Variants in ELP4 observed in about 807,000 individuals in gnomAD.
The protein encoded by ELP4 is elongator complex protein 4.
ELP4 carries 51 observed loss-of-function variants against 48.9 expected under a neutral mutation model. The observed-to-expected ratio is 1.04, with a 90% CI of 0.83 to 1.32. The LOEUF is 1.32. Ranked by LOEUF, ELP4 falls within the 40% of genes most tolerant of loss-of-function variation. The pLI, the probability that ELP4 is intolerant of heterozygous loss-of-function variation, is 0.00. For synonymous variants in ELP4, 210 were observed against 189.2 expected (o/e 1.11, Z -0.90); for missense variants, 519 against 514.6 (o/e 1.01, Z -0.08).
intron 9 of ELP4, among the ~76,000 whole-genome samples, chr11:31,693,830 C>G (rs1946336551): frequency 6.6e-6 from 1 of 152,118 alleles, no homozygotes; most frequent in Admixed American, 6.5e-5. Flanking sequence ...ACTGTTGTTT[C>G]CTGACTTTTT....
chr11:31,777,288 G>A (rs962437488), intron 9 of ELP4, among the ~76,000 whole-genome samples: 1 of 152,046 alleles, frequency 6.6e-6, no homozygotes, highest in Non-Finnish European at 1.5e-5. Flanking sequence ...TTGTGACCCT[G>A]AAAGGAAATC....
At chr11:31,738,902 G>A (rs1012608287) in intron 9 of ELP4, among the ~76,000 whole-genome samples, 3 of 152,152 alleles carry the variant, frequency 2.0e-5, no homozygotes, top group Admixed American at 1.3e-4. Context: ...TAAAATAGTG[G>A]TAGCCAGAGA....
At chr11:31,653,252 A>T (rs1945360426) in intron 9 of ELP4, 1 of 151,780 alleles carries the variant, frequency 6.6e-6, no homozygotes, top group Non-Finnish European at 1.5e-5. Flanking sequence ...TGCATTCTGG[A>T]TAAGTAAAAG....
chr11:31,697,826 A>T (rs925797197), intron 9 of ELP4, among the ~76,000 whole-genome samples: 19 of 152,148 alleles, frequency 1.2e-4, no homozygotes, highest in Non-Finnish European at 1.9e-4. Context: ...AAAGCAGCTG[A>T]TGAGATGAAT....
At position 31,519,943 on chromosome 11, in the gene ELP4, A is replaced by T. The variant is rs991809616; in HGVS notation, c.224-113A>T. 9 of 895,880 alleles carry T rather than the reference A, an allele frequency of 1.0e-5. No homozygotes were observed. The African/African-American group carries it at 1.5e-4, about 15-fold the overall frequency. The allele number at this position is 895,880 out of a possible 1,614,324, so 55.5% of individuals were successfully genotyped here. A position where few individuals can be genotyped will look rare whatever the true frequency, so the allele number is the denominator to read the frequency against. On this transcript the variant is annotated intron_variant, in intron 1 of 9. Coordinates refer to ENST00000640961, the MANE Select transcript of ELP4 (RefSeq NM_019040.5). ...TGCAAAGGTAATTAAAATGTTGTTCACAACTACTGTTTTAAAGTTATTGAA... is the reference window on the plus strand; with the variant it reads ...TGCAAAGGTAATTAAAATGTTGTTCTCAACTACTGTTTTAAAGTTATTGAA...
rs776623750 is a variant in ELP4, at chr11:31,632,350, T to G, written c.872T>G (p.Leu291Arg). Residue 291 changes from leucine to arginine, a missense_variant, in exon 7 of 10, where the codon CTT (leucine) becomes CGT (arginine). Physicochemically the swap from Leu to Arg is moderately radical, Grantham distance 102. Coordinates refer to ENST00000640961, the MANE Select transcript of ELP4 (RefSeq NM_019040.5). ...AAGTTCCTCTATGTTCTCCGTGGTC[T>G]TCTGAGAACCTCTCTTTCAGCCTGC... ...LTKFLYVLRG[L>R]LRTSLSACII... 2 of 1,613,416 alleles carry G rather than the reference T, an allele frequency of 1.2e-6. No individual in the cohort carries two copies. Among genetic ancestry groups the G allele is most frequent in the South Asian group, 2.2e-5 (2 of 90,980 alleles).
intron 9 of ELP4, among the ~76,000 whole-genome samples, chr11:31,686,605 G>T (rs1946167393): frequency 6.6e-6 from 1 of 152,092 alleles, no homozygotes; most frequent in African/African-American, 2.4e-5. Context: ...TCTGGGCCTG[G>T]TGCAGTGGCT....
At chr11:31,686,352 G>T (rs887620227) in intron 9 of ELP4, among the ~76,000 whole-genome samples, 1 of 146,466 alleles carries the variant, frequency 6.8e-6, no homozygotes, top group Non-Finnish European at 1.5e-5. Context: ...TTTTGGTATG[G>T]AATAGCTTCT....
chr11:31,725,614 C>T (rs930878409), intron 9 of ELP4, among the ~76,000 whole-genome samples: 1 of 152,178 alleles, frequency 6.6e-6, no homozygotes, highest in Non-Finnish European at 1.5e-5. Context: ...CTTGGAGCCC[C>T]ACCCAGCACT....
intron 3 of ELP4, among the ~76,000 whole-genome samples, chr11:31,544,318 G>A (rs980557695): frequency 2.0e-5 from 3 of 152,204 alleles, no homozygotes; most frequent in African/African-American, 4.8e-5. Flanking sequence ...TTTTCAGATG[G>A]GTTTAAAAAA....
chr11:31,701,170 C>T (rs528297517), intron 9 of ELP4, among the ~76,000 whole-genome samples: 1 of 152,206 alleles, frequency 6.6e-6, no homozygotes, highest in African/African-American at 2.4e-5. Flanking sequence ...TACCATTTTG[C>T]ATATATTTAA....
At chr11:31,533,694 G>A (rs1465651106) in intron 2 of ELP4, among the ~76,000 whole-genome samples, 27 of 151,698 alleles carry the variant, frequency 1.8e-4, no homozygotes, top group Admixed American at 1.8e-3. Flanking sequence ...GGCCTGAAAA[G>A]TTTTAAGTAG....
intron 7 of ELP4, chr11:31,633,510 G>T (rs565613153): frequency 1.3e-5 from 2 of 152,032 alleles, no homozygotes; most frequent in South Asian, 2.1e-4. Flanking sequence ...AGGATGATTC[G>T]GTTTTCCTTG....
intron 7 of ELP4, among the ~76,000 whole-genome samples, chr11:31,636,107 A>G (rs1292445934): frequency 6.6e-6 from 1 of 152,030 alleles, no homozygotes; most frequent in East Asian, 1.9e-4. Flanking sequence ...TTAACAAATA[A>G]TGCAGGCACT....
intron 9 of ELP4, chr11:31,707,349 A>G (rs1226621923): frequency 4.6e-6 from 1 of 218,136 alleles, no homozygotes; most frequent in African/African-American, 2.3e-5. Flanking sequence ...ACCACGTGTA[A>G]TCTATTGACA....
At chr11:31,534,727 A>C (rs1055641240) in intron 2 of ELP4, among the ~76,000 whole-genome samples, 11 of 152,208 alleles carry the variant, frequency 7.2e-5, no homozygotes, top group African/African-American at 2.7e-4. Context: ...CCATTTTGTA[A>C]AAATATCAAT....
At chr11:31,758,376 T>G (rs1947875350) in intron 9 of ELP4, among the ~76,000 whole-genome samples, 1 of 152,174 alleles carries the variant, frequency 6.6e-6, no homozygotes, top group South Asian at 2.1e-4. Flanking sequence ...AGCAATATAG[T>G]GAAGAAATTA....
rs146497550 is a variant in ELP4, at chr11:31,644,830, G to A, written c.928-2911G>A. On this transcript the variant is annotated intron_variant, in intron 7 of 9. Transcript: ENST00000640961. The stretch of plus-strand genomic sequence containing the variant: ...CTTTTTAAAACACATACGTTTATAA[G>A]CCCAAATATCTTTTATGCTCCTACA... Among the ~76,000 whole-genome samples, 4 of 151,750 alleles carry A rather than the reference G, an allele frequency of 2.6e-5. No individual in the cohort carries two copies. The East Asian group carries it at 7.8e-4, about 29-fold the overall frequency.
chr11:31,572,754 CT>C (rs1163802265), intron 3 of ELP4, among the ~76,000 whole-genome samples: 3 of 152,174 alleles, frequency 2.0e-5, no homozygotes, highest in African/African-American at 7.2e-5. Flanking sequence ...AGTCTCAGCA[CT>C]TTGGGAGGCC....
Sources: allele counts gnomAD v4.1 joint callset (sites outside exome capture counted in the v4.1 genomes callset), GRCh38; gene constraint gnomAD v4.1.1; transcripts MANE v1.5; gene names NCBI Gene and HGNC (gene_info 2026-07-23, HGNC 2026-07-21).